AHNAK2: variants seen among roughly 807,000 people sequenced by gnomAD.
AHNAK2 encodes protein AHNAK2.
A neutral mutation model predicts 30.7 loss-of-function variants in AHNAK2; 18 were observed. The ratio of observed to expected loss-of-function variants is 0.59; its 90% CI spans 0.41 to 0.87. The LOEUF is 0.87. Among genes scored for constraint, AHNAK2 ranks in the 40% least tolerant of loss-of-function variants. The probability of loss-of-function intolerance (pLI) is 0.00; values close to 1 mark genes in which losing one functional copy is unlikely to be tolerated. For synonymous variants in AHNAK2, 3,590 were observed against 3,073.8 expected (o/e 1.17, Z -5.56); for missense variants, 8,604 against 7,373.0 (o/e 1.17, Z -6.11).
At position 104,950,551 on chromosome 14, in the gene AHNAK2, T is replaced by G. The variant is rs1898630441; in HGVS notation, c.4900A>C (p.Lys1634Gln). ...MEVDVQAPRA[K>Q]LDGAQLEGDL... ...CCCTCCAGCTGCGCACCATCCAGCT[T>G]TGCTCTCGGGGCCTGGACGTCCACC... The change falls in exon 7 of 7, where the codon AAG becomes CAG. Residue 1634 changes from lysine to glutamine, a missense_variant. Physicochemically the swap from Lys to Gln is moderately conservative, Grantham distance 53. Coordinates refer to ENST00000333244, the MANE Select transcript of AHNAK2 (RefSeq NM_138420.4). 1 of 1,586,766 alleles carries G rather than the reference T, an allele frequency of 6.3e-7. No individual in the cohort carries two copies. The highest frequency in any genetic ancestry group is 1.4e-5 in the African/African-American group (1 of 72,826).
chr14:104,959,655 T>TA (rs1899081959), intron 1 of AHNAK2, among the ~76,000 whole-genome samples: 1 of 152,046 alleles, frequency 6.6e-6, no homozygotes, highest in Admixed American at 6.6e-5. Flanking sequence ...ATTTAAATTT[T>TA]AAAAAAAGGA....
In AHNAK2 at chr14:104,946,628, CAG is replaced by C. The variant is rs1898287064; in HGVS notation, c.8821_8822del (p.Leu2941AlafsTer22). 6.2e-7 allele frequency: 1 copy of C among 1,612,792 alleles called. No homozygotes were observed. The part of the protein sequence containing the change: ...EVTAPDVEVS[L>X]PSVEVDVEAP... ...CCTCGACGTCCACCTCCACGCTGGGCAGAGACACCTCCACGTCGGGGGCCGTC... is the reference window on the plus strand; with the variant it reads ...CCTCGACGTCCACCTCCACGCTGGGCAGACACCTCCACGTCGGGGGCCGTC... On this transcript the variant is annotated frameshift_variant, in exon 7 of 7. Coordinates refer to ENST00000333244, the MANE Select transcript of AHNAK2 (RefSeq NM_138420.4). LOFTEE classifies it low-confidence loss of function (END_TRUNC).
At position 104,950,758 on chromosome 14, in the gene AHNAK2, G is replaced by A; in HGVS notation, c.4693C>T (p.Pro1565Ser). Residue 1565 changes from proline to serine, a missense_variant, in exon 7 of 7, where the codon CCT becomes TCT. Physicochemically the swap from Pro to Ser is moderately conservative, Grantham distance 74. Transcript: ENST00000333244. Reference protein sequence around the residue: ...GQVDVKLPEGPVSEGAGLKGH... With the variant: ...GQVDVKLPEGSVSEGAGLKGH... Reference sequence around the variant, plus strand: ...TTGAGGCCGGCTCCCTCGGACACAGGGCCCTCTGGGAGTTTCACGTCCACT... The same window carrying A: ...TTGAGGCCGGCTCCCTCGGACACAGAGCCCTCTGGGAGTTTCACGTCCACT... 2 of 1,587,450 alleles carry A rather than the reference G, an allele frequency of 1.3e-6. No individual in the cohort carries two copies. The highest frequency in any genetic ancestry group is 1.1e-5 in the South Asian group (1 of 89,780).
chr14:104,973,083 C>T (rs551094314), intron 1 of AHNAK2, among the ~76,000 whole-genome samples: 1 of 152,246 alleles, frequency 6.6e-6, no homozygotes, highest in Non-Finnish European at 1.5e-5. Flanking sequence ...CCCCACCTAC[C>T]GGACCCCTGG....
Position 104,940,697 on chromosome 14 carries a change from C to G in AHNAK2, c.14754G>C (p.Val4918=). Residue 4918 remains valine, a synonymous_variant, in exon 7 of 7, where the codon GTG becomes GTC. Transcript: ENST00000333244. This position sits in a 1 kb window ranked among gnomAD's most constrained non-coding sequence, Gnocchi z 4.4. ...CCACAAGCTCTTCTGGGCCCTGAGA[C>G]ACACAGGTGCCTGGGGATGGCAGCT... The part of the protein sequence containing the change: ...STQLPSPGTC[V]SQGPEELVAS... 6.2e-6 allele frequency: 10 copies of G among 1,613,106 alleles called. No homozygotes were observed. The highest frequency in any genetic ancestry group is 8.5e-6 in the Non-Finnish European group (10 of 1,179,800).
Position 104,947,473 on chromosome 14 carries a change from C to G in AHNAK2, c.7978G>C (p.Val2660Leu). The change falls in exon 7 of 7, where the codon GTG (valine) becomes CTG (leucine). Residue 2660 changes from valine (V) to leucine (L), a missense_variant. Transcript: ENST00000333244. ...MPKFKMPSFR[V>L]SAPGESIEAL... The stretch of plus-strand genomic sequence containing the variant: ...TCGATGGACTCGCCTGGGGCCGACA[C>G]CCTGAATGATGGCATCTTGAACTTG... The G allele has an allele frequency of 6.2e-7, 1 of 1,612,684 alleles. No individual in the cohort carries two copies. The highest frequency in any genetic ancestry group is 1.3e-5 in the African/African-American group (1 of 74,498).
At position 104,944,825 on chromosome 14, in the gene AHNAK2, C is replaced by T. The variant is rs61316883; in HGVS notation, c.10626G>A (p.Leu3542=). Residue 3542 remains leucine (L), a synonymous_variant, in exon 7 of 7, where the codon CTG becomes CTA. Transcript: ENST00000333244. ...CGGCTCCCTCGGGCACGGGGCCCTC[C>T]AGGAGTTCCACATCCACTTGGACAG... The part of the protein sequence containing the change: ...VQAVQVDVEL[L]EGPVPEGAGL... 48,264 of 1,612,706 alleles carry T rather than the reference C, an allele frequency of 0.03. 846 individuals carry two copies. The highest frequency in any genetic ancestry group is 0.05 in the Middle Eastern group (304 of 6,054).
chr14:104,947,045 G>T lies in AHNAK2; in HGVS notation c.8406C>A (p.Ala2802=). ...GARLEGDLSL[A]DKGMTAKDSK... ...TGTCTTTGGCTGTCATGCCCTTGTC[G>T]GCCAGGGACAGGTCCCCCTCCAGCC... The change falls in exon 7 of 7, where the codon GCC becomes GCA. Residue 2802 remains alanine, a synonymous_variant. Transcript: ENST00000333244. The T allele has an allele frequency of 6.2e-6, 10 of 1,612,096 alleles. No homozygotes were observed. The highest frequency in any genetic ancestry group is 7.6e-6 in the Non-Finnish European group (9 of 1,179,524).
Position 104,938,927 on chromosome 14 carries a change from CGT to C in AHNAK2, c.16522_16523del (p.Thr5508ValfsTer25), listed in dbSNP as rs755393516. ...TQIVRESEIPTSEIQTPSYGF... is the reference protein window; with the variant it reads ...TQIVRESEIPXSEIQTPSYGF... ...CGTACGAAGGTGTTTGAATCTCTGA[CGT>C]GGGGATCTCTGATTCCCGCACAATC... On this transcript the variant is annotated frameshift_variant, in exon 7 of 7. Transcript: ENST00000333244. LOFTEE classifies it low-confidence loss of function (END_TRUNC). The C allele has an allele frequency of 1.2e-6, 2 of 1,613,534 alleles. No individual in the cohort carries two copies. Among genetic ancestry groups the C allele is most frequent in the Non-Finnish European group, 1.7e-6 (2 of 1,179,850 alleles).
chr14:104,947,724 A>G lies in AHNAK2; in HGVS notation c.7727T>C (p.Met2576Thr), dbSNP rs770306931. The change falls in exon 7 of 7, where the codon ATG (methionine) becomes ACG (threonine). Residue 2576 changes from methionine (M) to threonine (T), a missense_variant. Physicochemically the swap from Met to Thr is moderately conservative, Grantham distance 81. Transcript: ENST00000333244. ...LPKVQMPSFK[M>T]PEMDLKGPQL... ...GGGGCCCTTGAGGTCCATTTCAGGC[A>G]TCTTGAAACTGGGCATCTGCACCTT... 10 of 1,612,278 alleles carry G rather than the reference A, an allele frequency of 6.2e-6. No homozygotes were observed. In the South Asian group the frequency reaches 7.7e-5, roughly 12 times the overall value.
intron 1 of AHNAK2, among the ~76,000 whole-genome samples, chr14:104,973,954 G>A (rs1595435307): frequency 6.6e-6 from 1 of 152,276 alleles, no homozygotes; most frequent in East Asian, 1.9e-4. Context: ...GGGGATGGGG[G>A]AGTACCGCCT....
In AHNAK2 at chr14:104,943,474, C is replaced by A; in HGVS notation, c.11977G>T (p.Val3993Leu). 1 of 1,613,252 alleles carries A rather than the reference C, an allele frequency of 6.2e-7. No homozygotes were observed. The highest frequency in any genetic ancestry group is 8.5e-7 in the Non-Finnish European group (1 of 1,179,634). ...PGKSMEASVD[V>L]TAPKVEADVS... ...TCGGCCTCCACCTTTGGCGCGGTCA[C>A]ATCCACTGATGCCTCCATGGACTTG... The change falls in exon 7 of 7, where the codon GTG (valine) becomes TTG (leucine). Residue 3993 changes from valine to leucine, a missense_variant. Transcript: ENST00000333244.
rs1337781411 is a variant in AHNAK2, at chr14:104,949,618, G to A, written c.5833C>T (p.Pro1945Ser). ...LKGPKAEVTAPDVEVSLPSME... is the reference protein window; with the variant it reads ...LKGPKAEVTASDVEVSLPSME... Reference sequence around the variant, plus strand: ...CTGGGCAGAGACACCTCGACATCGGGGGCTGTCACTTCCGCCTTGGGGCCT... The same window carrying A: ...CTGGGCAGAGACACCTCGACATCGGAGGCTGTCACTTCCGCCTTGGGGCCT... Residue 1945 changes from proline to serine, a missense_variant, in exon 7 of 7, where the codon CCC becomes TCC. Coordinates refer to ENST00000333244, the MANE Select transcript of AHNAK2 (RefSeq NM_138420.4). 7 of 1,588,878 alleles carry A rather than the reference G, an allele frequency of 4.4e-6. 1 individual carries two copies. The highest frequency in any genetic ancestry group is 2.2e-5 in the South Asian group (2 of 89,948).
At chr14:104,975,743 C>T (rs569324677) in intron 1 of AHNAK2, among the ~76,000 whole-genome samples, 1 of 151,434 alleles carries the variant, frequency 6.6e-6, no homozygotes. Context: ...CAGGGAGACA[C>T]CAGGGTGGTG....
chr14:104,938,320 T>C lies in AHNAK2; in HGVS notation c.17131A>G (p.Lys5711Glu). ...GCCCCATCTTCGGTGCTTTTGCTTTTCTTGGTAGGAGATGAGGAGAACCCT... is the reference window on the plus strand; with the variant it reads ...GCCCCATCTTCGGTGCTTTTGCTTTCCTTGGTAGGAGATGAGGAGAACCCT... The part of the protein sequence containing the change: ...KLGFSSSPTK[K>E]SKSTEDGAEL... Residue 5711 changes from lysine (K) to glutamate (E), a missense_variant, in exon 7 of 7, where the codon AAA becomes GAA. By Grantham distance (56) the Lys-to-Glu change is moderately conservative (BLOSUM62 1). Coordinates refer to ENST00000333244, the MANE Select transcript of AHNAK2 (RefSeq NM_138420.4). The C allele has an allele frequency of 6.2e-7, 1 of 1,614,002 alleles. No homozygotes were observed. The highest frequency in any genetic ancestry group is 1.7e-5 in the Admixed American group (1 of 60,018).
In AHNAK2 at chr14:104,941,945, C is replaced by A. The variant is rs770588147; in HGVS notation, c.13506G>T (p.Met4502Ile). The part of the protein sequence containing the change: ...KMEADMSIPS[M>I]QGDLKTTDLR... ...GGTCAGTGGTCTTGAGGTCCCCCTG[C>A]ATGGAGGGAATGCTCATGTCGGCCT... is the stretch of plus-strand genomic sequence containing the variant. The change falls in exon 7 of 7, where the codon ATG becomes ATT. Residue 4502 changes from methionine (M) to isoleucine (I), a missense_variant. Transcript: ENST00000333244. 3 of 1,613,588 alleles carry A rather than the reference C, an allele frequency of 1.9e-6. No homozygotes were observed. Among genetic ancestry groups the A allele is most frequent in the Admixed American group, 1.7e-5 (1 of 59,998 alleles).
At chr14:104,963,693 G>A (rs959474830) in intron 1 of AHNAK2, among the ~76,000 whole-genome samples, 2 of 152,072 alleles carry the variant, frequency 1.3e-5, no homozygotes, top group African/African-American at 2.4e-5. Context: ...AGCCGGGTGT[G>A]GTGGCGGGTG....
At chr14:104,967,700 C>T (rs1899342379) in intron 1 of AHNAK2, among the ~76,000 whole-genome samples, 3 of 152,130 alleles carry the variant, frequency 2.0e-5, no homozygotes, top group South Asian at 4.1e-4. Context: ...CACAGAGCTG[C>T]GCAGTGGGGA....
At chr14:104,969,764 T>C (rs1256753554) in intron 1 of AHNAK2, among the ~76,000 whole-genome samples, 1 of 152,130 alleles carries the variant, frequency 6.6e-6, no homozygotes, top group Non-Finnish European at 1.5e-5. Context: ...TCCAAGGGAT[T>C]TGGCAGCCAA....
Sources: allele counts gnomAD v4.1 joint callset (sites outside exome capture counted in the v4.1 genomes callset), GRCh38; gene constraint gnomAD v4.1.1; non-coding constraint Gnocchi (gnomAD v3.1); transcripts MANE v1.5; gene names NCBI Gene and HGNC (gene_info 2026-07-23, HGNC 2026-07-21).